Variants in PPP1CB observed in about 807,000 individuals in gnomAD.
The protein encoded by PPP1CB is serine/threonine-protein phosphatase PP1-beta catalytic subunit.
A neutral mutation model predicts 43.7 loss-of-function variants in PPP1CB; 2 were observed. The ratio of observed to expected loss-of-function variants is 0.05; its 90% CI spans 0.02 to 0.14. The LOEUF (loss-of-function observed/expected upper bound fraction) is 0.14, where lower values mean the gene tolerates loss of function less well. PPP1CB is among the 10% of genes least tolerant of loss of function. PPP1CB has a pLI of 1.00. For missense variants in PPP1CB, 84 were observed against 398.0 expected (o/e 0.21, Z 6.71); for synonymous variants, 136 against 135.6 (o/e 1.00, Z -0.02).
Position 28,783,948 on chromosome 2 carries a change from A to G in PPP1CB, c.562A>G (p.Ile188Val). ...DLQSMEQIRRIMRPTDVPDTG... is the reference protein window; with the variant it reads ...DLQSMEQIRRVMRPTDVPDTG... Reference sequence around the variant, plus strand: ...GCAATCTATGGAGCAGATTCGGAGAATTATGAGACCTACTGATGTCCCTGA... The same window carrying G: ...GCAATCTATGGAGCAGATTCGGAGAGTTATGAGACCTACTGATGTCCCTGA... The change falls in exon 5 of 8, where the codon ATT (isoleucine) becomes GTT (valine). Residue 188 changes from isoleucine (I) to valine (V), a missense_variant. By Grantham distance (29) the Ile-to-Val change is conservative. This residue lies in a region of PPP1CB where 28 missense variants were observed against 234.2 expected (regional missense o/e 0.12). Transcript: ENST00000395366. 6 of 1,612,670 alleles carry G rather than the reference A, an allele frequency of 3.7e-6. No individual in the cohort carries two copies. Among genetic ancestry groups the G allele is most frequent in the Non-Finnish European group, 4.2e-6 (5 of 1,178,750 alleles).
intron 1 of PPP1CB, among the ~76,000 whole-genome samples, chr2:28,752,713 A>G (rs1192764075): frequency 6.6e-6 from 1 of 152,250 alleles, no homozygotes; most frequent in African/African-American, 2.4e-5. Context: ...AATGCTATAT[A>G]GAATGGATTC....
At chr2:28,784,394 G>C (rs1421016788) in intron 5 of PPP1CB, among the ~76,000 whole-genome samples, 4 of 151,794 alleles carry the variant, frequency 2.6e-5, no homozygotes, top group Non-Finnish European at 5.9e-5. Context: ...GTAGTTTTTT[G>C]TTATTTTCTA....
intron 6 of PPP1CB, among the ~76,000 whole-genome samples, chr2:28,789,922 G>C (rs750500872): frequency 8.6e-5 from 13 of 151,974 alleles, no homozygotes; most frequent in Non-Finnish European, 1.5e-4. Context: ...TATAATCTTT[G>C]TGCATAATGG....
intron 1 of PPP1CB, among the ~76,000 whole-genome samples, chr2:28,773,558 T>C: frequency 6.6e-6 from 1 of 152,252 alleles, no homozygotes; most frequent in East Asian, 1.9e-4. Flanking sequence ...TGCTGATTTA[T>C]AATATTTTTA....
intron 1 of PPP1CB, among the ~76,000 whole-genome samples, chr2:28,757,484 T>C (rs1249253901): frequency 6.6e-6 from 1 of 152,184 alleles, no homozygotes; most frequent in Non-Finnish European, 1.5e-5. Context: ...ACTGATTAAA[T>C]TGTTTAATTC....
chr2:28,776,734 A>AG lies in PPP1CB; in HGVS notation c.53-114dup, dbSNP rs1169208851. ...ATTATTTTAAACCATGGGACCAAATAGGGTAATTTGCTGCCTGTGTGACTT... is the reference window on the plus strand; with the variant it reads ...ATTATTTTAAACCATGGGACCAAATAGGGGTAATTTGCTGCCTGTGTGACTT... On this transcript the variant is annotated intron_variant, in intron 1 of 7. Coordinates refer to ENST00000395366, the MANE Select transcript of PPP1CB (RefSeq NM_002709.3). The AG allele has an allele frequency of 7.3e-6, 6 of 816,672 alleles. No homozygotes were observed. The African/African-American group carries it at 8.6e-5, about 12-fold the overall frequency. The allele number at this position is 816,672 out of a possible 1,614,324, so 50.6% of individuals were successfully genotyped here.
Position 28,751,971 on chromosome 2 carries a change from G to T in PPP1CB, c.-154G>T. 1.4e-6 allele frequency: 1 copy of T among 705,340 alleles called. No homozygotes were observed. Among genetic ancestry groups the T allele is most frequent in the Admixed American group, 2.1e-5 (1 of 46,564 alleles). The allele number at this position is 705,340 out of a possible 1,614,324, so 43.7% of individuals were successfully genotyped here. A position where few individuals can be genotyped will look rare whatever the true frequency, so the allele number is the denominator to read the frequency against. On this transcript the variant is annotated 5_prime_UTR_variant, in exon 1 of 8. Coordinates refer to ENST00000395366, the MANE Select transcript of PPP1CB (RefSeq NM_002709.3). ...CGCGCTCTCGCTACCCGGCGGGGAG[G>T]GGGTGGGGGGAGGGCCCGGGAAAAG...
At chr2:28,780,180 C>T (rs1667129492) in intron 3 of PPP1CB, among the ~76,000 whole-genome samples, 1 of 151,290 alleles carries the variant, frequency 6.6e-6, no homozygotes, top group South Asian at 2.1e-4. Flanking sequence ...CCTCCGCCTC[C>T]CGGGTTCAAG....
At chr2:28,752,244 T>C in intron 1 of PPP1CB, 68 bp downstream of exon 1, 1 of 1,369,054 alleles carries the variant, frequency 7.3e-7, no homozygotes, top group African/African-American at 1.5e-5. Context: ...CGTCCCCGTC[T>C]GCCGCCGGAA....
At chr2:28,761,693 C>T (rs1408957313) in intron 1 of PPP1CB, among the ~76,000 whole-genome samples, 6 of 152,180 alleles carry the variant, frequency 3.9e-5, no homozygotes, top group Non-Finnish European at 5.9e-5. Flanking sequence ...TATGTAAGTA[C>T]GTATAACAGT....
intron 1 of PPP1CB, among the ~76,000 whole-genome samples, chr2:28,766,382 T>C (rs1176405578): frequency 6.6e-6 from 1 of 152,226 alleles, no homozygotes; most frequent in Non-Finnish European, 1.5e-5. Context: ...TAATACCTGA[T>C]TAAGATATTT....
At chr2:28,776,146 T>A (rs1344430476) in intron 1 of PPP1CB, among the ~76,000 whole-genome samples, 1 of 151,910 alleles carries the variant, frequency 6.6e-6, no homozygotes, top group Non-Finnish European at 1.5e-5. Flanking sequence ...TTGTTCTTAA[T>A]GAGGCTGTTT....
At chr2:28,784,708 C>T (rs1667222775) in intron 5 of PPP1CB, among the ~76,000 whole-genome samples, 1 of 151,968 alleles carries the variant, frequency 6.6e-6, no homozygotes, top group East Asian at 1.9e-4. Context: ...CACTTGAGGT[C>T]GGGAGTTCCA....
intron 5 of PPP1CB, among the ~76,000 whole-genome samples, chr2:28,785,692 G>T (rs566649208): frequency 6.6e-6 from 1 of 151,898 alleles, no homozygotes; most frequent in African/African-American, 2.4e-5. Context: ...TCGCAGCACC[G>T]CGGCTACTCA....
intron 3 of PPP1CB, among the ~76,000 whole-genome samples, chr2:28,780,492 CAGAG>C (rs1310567259): frequency 6.6e-6 from 1 of 152,112 alleles, no homozygotes; most frequent in African/African-American, 2.4e-5. Context: ...ATCAGACTAG[CAGAG>C]AGAAAGTGGG....
At chr2:28,762,244 C>G (rs1004267568) in intron 1 of PPP1CB, among the ~76,000 whole-genome samples, 2 of 152,108 alleles carry the variant, frequency 1.3e-5, no homozygotes, top group African/African-American at 4.8e-5. Context: ...GAGATTGCGC[C>G]ACTGCACTCC....
intron 7 of PPP1CB, among the ~76,000 whole-genome samples, chr2:28,797,298 G>A (rs1300609315): frequency 6.6e-6 from 1 of 152,074 alleles, no homozygotes; most frequent in East Asian, 1.9e-4. Flanking sequence ...TGAGTTAGGG[G>A]GGAGGTCCTC....
chr2:28,791,921 C>T (rs976645343), intron 6 of PPP1CB, among the ~76,000 whole-genome samples: 10 of 151,928 alleles, frequency 6.6e-5, no homozygotes, highest in African/African-American at 2.4e-4. Context: ...AGAAATATTC[C>T]CTTTAAAAAA....
chr2:28,758,119 A>G (rs1479174066), intron 1 of PPP1CB, among the ~76,000 whole-genome samples: 3 of 149,566 alleles, frequency 2.0e-5, no homozygotes, highest in Non-Finnish European at 4.4e-5. Flanking sequence ...AACATGGCTC[A>G]CCTGCAGCCT....
Sources: allele counts gnomAD v4.1 joint callset (sites outside exome capture counted in the v4.1 genomes callset), GRCh38; gene constraint gnomAD v4.1.1; regional missense constraint gnomAD v4.1.1; transcripts MANE v1.5; gene names NCBI Gene and HGNC (gene_info 2026-07-23, HGNC 2026-07-21).